Variants in CENPP observed in about 807,000 individuals in gnomAD.
The protein encoded by CENPP is centromere protein P.
CENPP carries 24 observed loss-of-function variants against 35.6 expected under a neutral mutation model. That is an observed-to-expected ratio of 0.67 (90% CI 0.49 to 0.95). CENPP has a LOEUF of 0.95. Among genes scored for constraint, CENPP ranks in the 40% least tolerant of loss-of-function variants. CENPP has a pLI of 0.00. For synonymous variants in CENPP, 120 were observed against 125.5 expected, an observed-to-expected ratio of 0.96 and a Z score of 0.29; for missense variants, 332 against 345.3, an observed-to-expected ratio of 0.96 and a Z score of 0.31.
At chr9:92,452,813 C>T (rs1844753193) in intron 5 of CENPP, among the ~76,000 whole-genome samples, 2 of 152,112 alleles carry the variant, frequency 1.3e-5, no homozygotes, top group South Asian at 4.1e-4. Flanking sequence ...CAACTTCTTC[C>T]TGGTTTAGTC....
intron 5 of CENPP, among the ~76,000 whole-genome samples, chr9:92,425,263 C>T (rs1369848952): frequency 6.6e-6 from 1 of 152,110 alleles, no homozygotes; most frequent in Non-Finnish European, 1.5e-5. Flanking sequence ...TAAAATTAGT[C>T]AGTTGGTTGC....
In CENPP at chr9:92,461,640, GCCTTTCACCT is replaced by G. The variant is rs529151763; in HGVS notation, c.564+81782_564+81791del. On this transcript the variant is annotated intron_variant, in intron 5 of 7. Transcript: ENST00000375587. ...GAGACATTCAGATAAAAGCAAATCAGCCTTTCACCTGAGGGTCTTAGCATTCATGCACGAT... is the reference window on the plus strand; with the variant it reads ...GAGACATTCAGATAAAAGCAAATCAGGAGGGTCTTAGCATTCATGCACGAT... Among the ~76,000 whole-genome samples, 284 of 152,196 alleles carry G rather than the reference GCCTTTCACCT, an allele frequency of 1.9e-3. 3 individuals are homozygous for G. Among genetic ancestry groups the G allele is most frequent in the African/African-American group, 6.6e-3 (273 of 41,530 alleles).
chr9:92,610,268 A>G (rs1588317707), intron 5 of CENPP, among the ~76,000 whole-genome samples: 1 of 152,016 alleles, frequency 6.6e-6, no homozygotes, highest in African/African-American at 2.4e-5. Context: ...GTTGGCCAGG[A>G]TGGTCTCAAT....
At chr9:92,541,196 T>C (rs1488112576) in intron 5 of CENPP, among the ~76,000 whole-genome samples, 3 of 152,058 alleles carry the variant, frequency 2.0e-5, no homozygotes, top group Admixed American at 6.5e-5. Flanking sequence ...GAGGCGGAGA[T>C]TGCAGTGAGC....
intron 5 of CENPP, among the ~76,000 whole-genome samples, chr9:92,567,490 C>G (rs1850025546): frequency 6.7e-6 from 1 of 150,150 alleles, no homozygotes; most frequent in African/African-American, 2.4e-5. Context: ...ATTCAGTATC[C>G]TTCTAGCCAT....
At chr9:92,520,047 CAAGG>C in intron 5 of CENPP, among the ~76,000 whole-genome samples, 1 of 150,938 alleles carries the variant, frequency 6.6e-6, no homozygotes, top group Non-Finnish European at 1.5e-5. Context: ...TTTGGGAGGC[CAAGG>C]AGGGAAGATT....
chr9:92,363,410 T>C (rs1306806499), intron 4 of CENPP, among the ~76,000 whole-genome samples: 1 of 152,220 alleles, frequency 6.6e-6, no homozygotes, highest in Non-Finnish European at 1.5e-5. Context: ...TATGTTTAGA[T>C]ATGTTAAATG....
intron 4 of CENPP, among the ~76,000 whole-genome samples, chr9:92,353,679 T>C (rs990185169): frequency 4.1e-4 from 62 of 152,282 alleles, no homozygotes; most frequent in African/African-American, 1.3e-3. Context: ...AGATCTTTGT[T>C]GTGTCTCCTG....
intron 5 of CENPP, among the ~76,000 whole-genome samples, chr9:92,607,814 A>G (rs1304012736): frequency 6.6e-6 from 1 of 152,228 alleles, no homozygotes; most frequent in Non-Finnish European, 1.5e-5. Flanking sequence ...TTGGACTAGC[A>G]TCCAGCAGCT....
Position 92,569,765 on chromosome 9 carries a change from G to C in CENPP, c.565-41549G>C, listed in dbSNP as rs181362719. Among the ~76,000 whole-genome samples, 462 of 152,238 alleles carry C rather than the reference G, an allele frequency of 3.0e-3. 4 individuals carry two copies. Among genetic ancestry groups the C allele is most frequent in the African/African-American group, 0.01 (429 of 41,550 alleles). ...TCCCTTTTTATTTCGTTGAGCAGTG[G>C]TTTGTAGTTCTCCTTGAAGAGGTCC... On this transcript the variant is annotated intron_variant, in intron 5 of 7. Coordinates refer to ENST00000375587, the MANE Select transcript of CENPP (RefSeq NM_001012267.3).
rs1363447962 is a variant in CENPP at position 92,616,074 on chromosome 9, C to A, written c.*2925C>A. ...TGATCAGAGCTGCAAGTAAAAAGTA[C>A]CATTTCAGGATACACAAGCCCCCCA... On this transcript the variant is annotated 3_prime_UTR_variant, in exon 8 of 8. Transcript: ENST00000375587. 6.4e-7 allele frequency: 1 copy of A among 1,574,792 alleles called. No homozygotes were observed. Among genetic ancestry groups the A allele is most frequent in the Admixed American group, 1.7e-5 (1 of 58,416 alleles).
chr9:92,533,318 A>C (rs1312221596), intron 5 of CENPP, among the ~76,000 whole-genome samples: 19 of 94,836 alleles, frequency 2.0e-4, no homozygotes, highest in Non-Finnish European at 2.4e-4. Flanking sequence ...AAAAAAAAAA[A>C]AAAAAAAAAA....
At chr9:92,413,258 A>G (rs1002796726) in intron 5 of CENPP, among the ~76,000 whole-genome samples, 1 of 152,028 alleles carries the variant, frequency 6.6e-6, no homozygotes, top group Non-Finnish European at 1.5e-5. Flanking sequence ...AAGTGCTGGG[A>G]TTACAGGTGT....
chr9:92,408,052 A>G (rs1197389371), intron 5 of CENPP, among the ~76,000 whole-genome samples: 2 of 152,244 alleles, frequency 1.3e-5, no homozygotes. Context: ...GATAGAGACC[A>G]TATGACCTCC....
chr9:92,552,854 A>G (rs1341868451), intron 5 of CENPP, among the ~76,000 whole-genome samples: 1 of 152,028 alleles, frequency 6.6e-6, no homozygotes, highest in African/African-American at 2.4e-5. Flanking sequence ...GGTCCCAGCT[A>G]TTGATCTTTG....
chr9:92,335,384 G>A (rs1840894043), intron 2 of CENPP, among the ~76,000 whole-genome samples: 1 of 152,240 alleles, frequency 6.6e-6, no homozygotes, highest in African/African-American at 2.4e-5. Context: ...TAAAGTGGTT[G>A]CTGTAGATTA....
At chr9:92,569,305 C>A (rs187704968) in intron 5 of CENPP, among the ~76,000 whole-genome samples, 12 of 152,292 alleles carry the variant, frequency 7.9e-5, no homozygotes, top group African/African-American at 2.9e-4. Context: ...ATATAGCTAG[C>A]CAGTTTTCCC....
chr9:92,411,795 A>G (rs1843451277), intron 5 of CENPP, among the ~76,000 whole-genome samples: 1 of 152,164 alleles, frequency 6.6e-6, no homozygotes, highest in Non-Finnish European at 1.5e-5. Context: ...CCCAGTCAGG[A>G]GCTTGTTCTC....
chr9:92,387,911 C>T (rs1842500940), intron 5 of CENPP, among the ~76,000 whole-genome samples: 1 of 151,640 alleles, frequency 6.6e-6, no homozygotes, highest in Non-Finnish European at 1.5e-5. Context: ...CGACAGGTGC[C>T]CACCACCACG....
Sources: allele counts gnomAD v4.1 joint callset (sites outside exome capture counted in the v4.1 genomes callset), GRCh38; gene constraint gnomAD v4.1.1; transcripts MANE v1.5; gene names NCBI Gene and HGNC (gene_info 2026-07-23, HGNC 2026-07-21).